STX8: variants seen among roughly 807,000 people sequenced by gnomAD.
STX8 encodes syntaxin-8.
A neutral mutation model predicts 37.5 loss-of-function variants in STX8; 23 were observed. That is an observed-to-expected ratio of 0.61 (90% CI 0.44 to 0.87). The LOEUF (loss-of-function observed/expected upper bound fraction) is 0.87. STX8 is among the 40% of genes least tolerant of loss of function. The pLI is 0.00. For missense variants in STX8, 313 were observed against 284.7 expected (o/e 1.10, Z -0.71); for synonymous variants, 115 against 99.1 (o/e 1.16, Z -0.95).
At chr17:9,254,405 A>G (rs984837853) in intron 7 of STX8, among the ~76,000 whole-genome samples, 11 of 150,652 alleles carry the variant, frequency 7.3e-5, no homozygotes, top group Non-Finnish European at 1.3e-4. Context: ...CTCTTATTAA[A>G]TCTTTTTTTT....
chr17:9,300,830 CTT>C (rs1164799565), intron 7 of STX8, among the ~76,000 whole-genome samples: 30 of 90,892 alleles, frequency 3.3e-4, no homozygotes, highest in African/African-American at 1.1e-3. Context: ...TTATTTTGTT[CTT>C]TTTTTTTTTT....
chr17:9,559,165 A>C (rs1907106978), intron 2 of STX8, among the ~76,000 whole-genome samples: 1 of 152,202 alleles, frequency 6.6e-6, no homozygotes, highest in Non-Finnish European at 1.5e-5. Flanking sequence ...TCACTTTTGT[A>C]ATCAGGAAAA....
At chr17:9,423,243 A>C (rs905427424) in intron 6 of STX8, among the ~76,000 whole-genome samples, 1 of 152,250 alleles carries the variant, frequency 6.6e-6, no homozygotes, top group Non-Finnish European at 1.5e-5. Flanking sequence ...TAGCTAAATG[A>C]GGAAACTATG....
intron 7 of STX8, among the ~76,000 whole-genome samples, chr17:9,304,608 C>T (rs963654762): frequency 2.6e-5 from 4 of 151,018 alleles, no homozygotes; most frequent in African/African-American, 7.3e-5. Context: ...CAATGTTCTA[C>T]GATTTCTGAC....
chr17:9,313,282 G>C (rs943721853), intron 7 of STX8, among the ~76,000 whole-genome samples: 5 of 152,132 alleles, frequency 3.3e-5, no homozygotes, highest in African/African-American at 1.2e-4. Flanking sequence ...AAGTCAAAAC[G>C]TATCAGTGAG....
At chr17:9,473,025 T>C (rs1905941315) in intron 6 of STX8, among the ~76,000 whole-genome samples, 1 of 150,590 alleles carries the variant, frequency 6.6e-6, no homozygotes, top group South Asian at 2.1e-4. Context: ...ACACCATGCA[T>C]GTGTCTCAGG....
At chr17:9,436,426 C>A (rs1476724266) in intron 6 of STX8, among the ~76,000 whole-genome samples, 2 of 151,586 alleles carry the variant, frequency 1.3e-5, no homozygotes, top group Non-Finnish European at 2.9e-5. Flanking sequence ...CCATGAAAGG[C>A]AAGTCAGAAG....
intron 7 of STX8, among the ~76,000 whole-genome samples, chr17:9,350,246 G>T (rs1011872938): frequency 1.3e-5 from 2 of 152,174 alleles, no homozygotes; most frequent in African/African-American, 4.8e-5. Context: ...GGTGGGATGG[G>T]GTGGGATGGC....
At chr17:9,416,101 G>A (rs1410098015) in intron 6 of STX8, among the ~76,000 whole-genome samples, 1 of 152,172 alleles carries the variant, frequency 6.6e-6, no homozygotes, top group Non-Finnish European at 1.5e-5. Flanking sequence ...CTGTGCTGAC[G>A]TGAAGGTTTC....
Position 9,494,004 on chromosome 17 carries a change from TTTTG to T in STX8, c.449-2087_449-2084del, listed in dbSNP as rs753261145. Among the ~76,000 whole-genome samples, 80 of 59,736 alleles carry T rather than the reference TTTTG, an allele frequency of 1.3e-3. 1 individual carries two copies. Among genetic ancestry groups the T allele is most frequent in the African/African-American group, 2.6e-3 (72 of 27,498 alleles). 39.2% of individuals were successfully genotyped at this position (59,736 alleles called of 152,430 possible). A position where few individuals can be genotyped will look rare whatever the true frequency, so the allele number is the denominator to read the frequency against. On this transcript the variant is annotated intron_variant, in intron 5 of 7. Transcript: ENST00000306357. ...AGTTCATATGTTTTGTTTTTTTTTGTTTTGTTTTTTTGTTGTTGTTGTTGTTTTT... is the reference window on the plus strand; with the variant it reads ...AGTTCATATGTTTTGTTTTTTTTTGTTTTTTTTGTTGTTGTTGTTGTTTTT...
rs114422405 is a variant in STX8, at chr17:9,378,537, G to A, written c.643+15C>T. On this transcript the variant is annotated intron_variant, in intron 7 of 7. Transcript: ENST00000306357. ...GCTATGACAGAAACAGAGCCATAACGTAGCTATCTCTTACCACAAGAGGCT... is the reference window on the plus strand; with the variant it reads ...GCTATGACAGAAACAGAGCCATAACATAGCTATCTCTTACCACAAGAGGCT... The A allele has an allele frequency of 1.2e-3, 1,893 of 1,602,482 alleles. 17 individuals are homozygous for A. In the African/African-American group the frequency reaches 0.022, roughly 18 times the overall value.
At chr17:9,311,269 G>A (rs928978777) in intron 7 of STX8, among the ~76,000 whole-genome samples, 1 of 151,810 alleles carries the variant, frequency 6.6e-6, no homozygotes, top group Non-Finnish European at 1.5e-5. Flanking sequence ...GAAGTCAGTG[G>A]GGTAATACAG....
At chr17:9,411,211 C>A (rs991924087) in intron 6 of STX8, among the ~76,000 whole-genome samples, 5 of 152,170 alleles carry the variant, frequency 3.3e-5, no homozygotes, top group Non-Finnish European at 7.3e-5. Context: ...TGGTCAGTAA[C>A]ACCCAGATGT....
At chr17:9,414,096 A>ACCCACCTACCCATTTGTCCGTCTGTCCG (rs1913084703) in intron 6 of STX8, among the ~76,000 whole-genome samples, 6 of 6,472 alleles carry the variant, frequency 9.3e-4, no homozygotes, top group African/African-American at 1.7e-3. Flanking sequence ...CCATCCATCC[A>ACCCACCTACCCATTTGTCCGTCTGTCCG]TCCATCCATC....
At chr17:9,451,772 C>A (rs553457897) in intron 6 of STX8, among the ~76,000 whole-genome samples, 3 of 148,110 alleles carry the variant, frequency 2.0e-5, no homozygotes, top group Non-Finnish European at 4.5e-5. Flanking sequence ...CATATATACA[C>A]AAAAATATAC....
At chr17:9,558,717 G>T (rs1022546652) in intron 2 of STX8, among the ~76,000 whole-genome samples, 1 of 152,150 alleles carries the variant, frequency 6.6e-6, no homozygotes, top group Admixed American at 6.5e-5. Context: ...CAGCTACGCG[G>T]GAGGCTGAGG....
chr17:9,335,634 G>T (rs369222682), intron 7 of STX8, among the ~76,000 whole-genome samples: 4 of 150,962 alleles, frequency 2.6e-5, no homozygotes, highest in Admixed American at 2.0e-4. Context: ...TTTGTTTATT[G>T]TTCTTTATGG....
intron 7 of STX8, among the ~76,000 whole-genome samples, chr17:9,358,828 A>G (rs4791347): frequency 0.79 from 120,359 of 152,208 alleles, 48,827 homozygotes; most frequent in South Asian, 0.9. Flanking sequence ...GAGTAGGGGG[A>G]AAAGATTACA....
chr17:9,278,790 T>C (rs1907774320), intron 7 of STX8, among the ~76,000 whole-genome samples: 1 of 150,186 alleles, frequency 6.7e-6, no homozygotes, highest in Non-Finnish European at 1.5e-5. Context: ...GGGAGGGAGA[T>C]CGGGCAGGGT....
Sources: allele counts gnomAD v4.1 joint callset (sites outside exome capture counted in the v4.1 genomes callset), GRCh38; gene constraint gnomAD v4.1.1; transcripts MANE v1.5; gene names NCBI Gene and HGNC (gene_info 2026-07-23, HGNC 2026-07-21).